LTBP1: variants seen among roughly 807,000 people sequenced by gnomAD.
The protein encoded by LTBP1 is latent transforming growth factor beta binding protein 1.
LTBP1 carries 129 observed loss-of-function variants against 207.6 expected under a neutral mutation model. The observed-to-expected ratio is 0.62, with a 90% CI of 0.54 to 0.72. The LOEUF (loss-of-function observed/expected upper bound fraction) is 0.72, where lower values mean the gene tolerates loss of function less well. Among genes scored for constraint, LTBP1 ranks in the 30% least tolerant of loss-of-function variants. The probability of loss-of-function intolerance (pLI) is 0.00; values close to 1 mark genes in which losing one functional copy is unlikely to be tolerated. For missense variants in LTBP1, 2,281 were observed against 2,217.2 expected (o/e 1.03, Z -0.58); for synonymous variants, 963 against 833.7 (o/e 1.16, Z -2.67).
At chr2:33,016,041 G>A (rs1312958294) in intron 2 of LTBP1, among the ~76,000 whole-genome samples, 1 of 152,156 alleles carries the variant, frequency 6.6e-6, no homozygotes, top group Non-Finnish European at 1.5e-5. Flanking sequence ...AGATTTGGTA[G>A]GACTCATACC....
intron 3 of LTBP1, among the ~76,000 whole-genome samples, chr2:33,052,474 G>T (rs371682231): frequency 2.0e-5 from 3 of 152,174 alleles, no homozygotes; most frequent in African/African-American, 4.8e-5. Flanking sequence ...TAAGAGAAAT[G>T]GATTTTTTTA....
At chr2:33,335,644 G>A (rs2094546216) in intron 24 of LTBP1, among the ~76,000 whole-genome samples, 1 of 152,000 alleles carries the variant, frequency 6.6e-6, no homozygotes, top group African/African-American at 2.4e-5. Context: ...CTTCCCTCCT[G>A]TGCTGTGAGA....
At chr2:33,177,975 T>C (rs6543700) in intron 5 of LTBP1, among the ~76,000 whole-genome samples, 72,837 of 152,010 alleles carry the variant, frequency 0.48, 17,886 homozygotes, top group Non-Finnish European at 0.52. Context: ...CACCCCTCTG[T>C]ACCCCCTGCA....
chr2:33,273,057 CT>C (rs1023814876), intron 15 of LTBP1, among the ~76,000 whole-genome samples: 37 of 152,130 alleles, frequency 2.4e-4, no homozygotes. Context: ...AAAGATTCTA[CT>C]TTACCAGTAG....
At chr2:33,027,332 C>T (rs1414515715) in intron 3 of LTBP1, among the ~76,000 whole-genome samples, 1 of 152,070 alleles carries the variant, frequency 6.6e-6, no homozygotes. Flanking sequence ...ATCTCTTATC[C>T]CACATAGTTA....
chr2:33,029,295 G>A (rs2149301490), intron 3 of LTBP1, among the ~76,000 whole-genome samples: 1 of 152,206 alleles, frequency 6.6e-6, no homozygotes, highest in East Asian at 1.9e-4. Context: ...TGCCCAACAT[G>A]GTGAAACCCC....
rs2149220128 is a variant in LTBP1, at chr2:33,020,931, G to T, written c.588G>T (p.Gln196His). 6.3e-7 allele frequency: 1 copy of T among 1,592,430 alleles called. No homozygotes were observed. Among genetic ancestry groups the T allele is most frequent in the Non-Finnish European group, 8.6e-7 (1 of 1,164,024 alleles). Residue 196 changes from glutamine to histidine, a missense_variant, in exon 3 of 34, where the codon CAG becomes CAT. Physicochemically the swap from Gln to His is conservative, Grantham distance 24. Transcript: ENST00000404816. ...CTKPSCVPPC[Q>H]NGGMCLRPQL... ...CAGCTAGCTGTGTTCCGCCATGTCA[G>T]AATGGAGGGATGTGTCTCCGGCCAC...
chr2:33,348,772 A>G (rs948215596), intron 26 of LTBP1, among the ~76,000 whole-genome samples: 2 of 152,258 alleles, frequency 1.3e-5, no homozygotes, highest in African/African-American at 4.8e-5. Context: ...GTGAAAAAAT[A>G]CAGGATATTC....
chr2:33,029,852 T>C (rs2075609798), intron 3 of LTBP1, among the ~76,000 whole-genome samples: 1 of 152,222 alleles, frequency 6.6e-6, no homozygotes, highest in South Asian at 2.1e-4. Context: ...ACCACTGTTG[T>C]TTGACCAGAA....
rs6730341 is a variant in LTBP1 at position 33,145,916 on chromosome 2, A to G, written c.1201+10956A>G. Among the ~76,000 whole-genome samples, 9 of 152,300 alleles carry G rather than the reference A, an allele frequency of 5.9e-5. No individual in the cohort carries two copies. In the South Asian group the frequency reaches 1.7e-3, roughly 28 times the overall value. On this transcript the variant is annotated intron_variant, in intron 5 of 33. Coordinates refer to ENST00000404816, the MANE Select transcript of LTBP1 (RefSeq NM_206943.4). ...TCATAACCTTATTTGGTAAAAGCCTACTGACTCTGCTGTTCATACAGTAAT... is the reference window on the plus strand; with the variant it reads ...TCATAACCTTATTTGGTAAAAGCCTGCTGACTCTGCTGTTCATACAGTAAT...
At chr2:33,024,788 T>C (rs555471170) in intron 3 of LTBP1, among the ~76,000 whole-genome samples, 14 of 152,316 alleles carry the variant, frequency 9.2e-5, no homozygotes, top group African/African-American at 2.9e-4. Context: ...CATATTAGTT[T>C]TCTTTGGCTG....
chr2:32,953,761 A>T (rs1677587226), intron 2 of LTBP1, among the ~76,000 whole-genome samples: 1 of 152,140 alleles, frequency 6.6e-6, no homozygotes, highest in Admixed American at 6.5e-5. Flanking sequence ...TGACAACCAC[A>T]GGGTTTTGCT....
chr2:33,115,107 CACACACACACACATATAT>C (rs1441503797), intron 4 of LTBP1, among the ~76,000 whole-genome samples: 15 of 28,472 alleles, frequency 5.3e-4, no homozygotes, highest in Admixed American at 3.1e-3. Context: ...CATATATGTA[CACACACACACACATATAT>C]ATACACACAC....
At chr2:33,382,590 A>G (rs1405181714) in intron 31 of LTBP1, among the ~76,000 whole-genome samples, 4 of 152,162 alleles carry the variant, frequency 2.6e-5, no homozygotes, top group African/African-American at 9.7e-5. Flanking sequence ...CTGATTGACT[A>G]TCATCACATC....
chr2:33,381,025 A>C (rs2095207906), intron 31 of LTBP1, among the ~76,000 whole-genome samples: 1 of 152,224 alleles, frequency 6.6e-6, no homozygotes, highest in Admixed American at 6.5e-5. Context: ...AGCTGAAAAA[A>C]TATGAAGTAG....
chr2:33,310,915 AT>A (rs1558991034), intron 23 of LTBP1, among the ~76,000 whole-genome samples: 2 of 152,002 alleles, frequency 1.3e-5, no homozygotes, highest in Admixed American at 6.6e-5. Flanking sequence ...AATAAATGTT[AT>A]TTTTTTCTTA....
intron 4 of LTBP1, among the ~76,000 whole-genome samples, chr2:33,130,923 A>T (rs1563185): frequency 0.95 from 144,371 of 152,260 alleles, 68,486 homozygotes; most frequent in East Asian, 0.98. Flanking sequence ...GACCAAGCAC[A>T]GAAGTTGTGC....
chr2:33,383,339 C>T lies in LTBP1; in HGVS notation c.4712-5845C>T, dbSNP rs113693761. On this transcript the variant is annotated intron_variant, in intron 31 of 33. Transcript: ENST00000404816. ...CTGCACTCCATCCTGGGTGACAGAG[C>T]GAGACTCCGTCTCAGGGGAATAAAA... Among the ~76,000 whole-genome samples, 3 of 152,282 alleles carry T rather than the reference C, an allele frequency of 2.0e-5. No individual in the cohort carries two copies. The East Asian group carries it at 5.8e-4, about 29-fold the overall frequency.
intron 5 of LTBP1, among the ~76,000 whole-genome samples, chr2:33,179,956 C>A (rs1353205914): frequency 2.0e-5 from 3 of 152,178 alleles, no homozygotes; most frequent in Non-Finnish European, 4.4e-5. Context: ...GTCTCCCTTT[C>A]TCCCTGCCTC....
Sources: gnomAD v4.1 joint callset for allele counts (sites outside exome capture counted in the v4.1 genomes callset) on GRCh38, gnomAD v4.1.1 for gene constraint, MANE v1.5 for transcripts, NCBI Gene and HGNC (gene_info 2026-07-23, HGNC 2026-07-21) for gene names.